Variants in JMJD1C observed in about 807,000 individuals in gnomAD.
JMJD1C encodes the protein jumonji domain containing 1C.
JMJD1C carries 31 observed loss-of-function variants against 245.3 expected under a neutral mutation model. That is an observed-to-expected ratio of 0.13 (90% confidence interval 0.09 to 0.17). The LOEUF is 0.17. JMJD1C is among the 10% of genes least tolerant of loss of function. JMJD1C has a pLI of 1.00. For synonymous variants in JMJD1C, 1,057 were observed against 1,017.4 expected (o/e 1.04, Z -0.74); for missense variants, 2,691 against 3,000.2 (o/e 0.90, Z 2.41).
At chr10:63,227,609 C>T (rs1001146122) in intron 3 of JMJD1C, among the ~76,000 whole-genome samples, 1 of 152,150 alleles carries the variant, frequency 6.6e-6, no homozygotes, top group Non-Finnish European at 1.5e-5. Flanking sequence ...ATGATTTTCC[C>T]CTCTGCTATA....
chr10:63,232,373 T>C (rs1850137927), intron 3 of JMJD1C, among the ~76,000 whole-genome samples: 1 of 152,186 alleles, frequency 6.6e-6, no homozygotes, highest in Admixed American at 6.5e-5. Context: ...TTTTTAAAAC[T>C]GCATCTGGTC....
chr10:63,213,388 C>A, intron 8 of JMJD1C, 85 bp downstream of exon 8: 4 of 838,096 alleles, frequency 4.8e-6, no homozygotes, highest in Non-Finnish European at 7.4e-6. Context: ...AGGAAATGAC[C>A]TAAAAAATAG....
chr10:63,496,255 G>A (rs936598392), intron 1 of JMJD1C, among the ~76,000 whole-genome samples: 8 of 151,772 alleles, frequency 5.3e-5, no homozygotes, highest in East Asian at 1.9e-4. Context: ...GAGAACAGAG[G>A]ACAGAGAAGG....
At chr10:63,416,761 T>C (rs1949832326) in intron 1 of JMJD1C, among the ~76,000 whole-genome samples, 1 of 152,194 alleles carries the variant, frequency 6.6e-6, no homozygotes, top group Non-Finnish European at 1.5e-5. Context: ...AATTCACACA[T>C]TTTAAAAATG....
intron 3 of JMJD1C, among the ~76,000 whole-genome samples, chr10:63,229,062 TAAAG>T (rs1243651862): frequency 3.3e-5 from 5 of 152,290 alleles, no homozygotes; most frequent in Admixed American, 2.6e-4. Context: ...AGAGATATTA[TAAAG>T]ATAGTCTACC....
chr10:63,490,649 C>G (rs1440100842), intron 1 of JMJD1C, among the ~76,000 whole-genome samples: 3 of 151,982 alleles, frequency 2.0e-5, no homozygotes, highest in African/African-American at 7.3e-5. Context: ...CTGTTGACCT[C>G]GTGATCCACC....
intron 2 of JMJD1C, among the ~76,000 whole-genome samples, chr10:63,369,424 T>C (rs1392892976): frequency 2.0e-5 from 3 of 152,174 alleles, no homozygotes; most frequent in Non-Finnish European, 4.4e-5. Context: ...ATTACAGGCG[T>C]TTGCTACCGT....
chr10:63,390,897 G>C (rs1233892294), intron 1 of JMJD1C, among the ~76,000 whole-genome samples: 1 of 152,100 alleles, frequency 6.6e-6, no homozygotes, highest in Non-Finnish European at 1.5e-5. Flanking sequence ...AATATTGAAT[G>C]GGGAAAACTG....
intron 24 of JMJD1C, among the ~76,000 whole-genome samples, chr10:63,174,930 A>G (rs963709847): frequency 3.3e-5 from 5 of 152,200 alleles, no homozygotes; most frequent in African/African-American, 9.6e-5. Context: ...GTTGTTACCT[A>G]ACTATGCATT....
chr10:63,314,194 T>A (rs572837189), intron 2 of JMJD1C, among the ~76,000 whole-genome samples: 1 of 152,232 alleles, frequency 6.6e-6, no homozygotes, highest in Non-Finnish European at 1.5e-5. Context: ...CCCCACTTCA[T>A]GTTTTTGTTT....
intron 3 of JMJD1C, among the ~76,000 whole-genome samples, chr10:63,242,368 G>A (rs188559332): frequency 6.6e-6 from 1 of 152,128 alleles, no homozygotes; most frequent in African/African-American, 2.4e-5. Flanking sequence ...TTTAATTTAC[G>A]TTTAAATAGC....
chr10:63,412,140 C>T (rs1362073210), intron 1 of JMJD1C, among the ~76,000 whole-genome samples: 2 of 151,990 alleles, frequency 1.3e-5, no homozygotes, highest in Non-Finnish European at 2.9e-5. Context: ...TGAGGACAGC[C>T]CGCCCAGTCG....
intron 1 of JMJD1C, among the ~76,000 whole-genome samples, chr10:63,403,034 T>C (rs1350337027): frequency 6.6e-6 from 1 of 152,086 alleles, no homozygotes; most frequent in East Asian, 1.9e-4. Context: ...GAAAGCATGA[T>C]TGAAATAATG....
intron 2 of JMJD1C, among the ~76,000 whole-genome samples, chr10:63,334,484 G>A (rs1201169655): frequency 6.6e-6 from 1 of 152,086 alleles, no homozygotes; most frequent in African/African-American, 2.4e-5. Flanking sequence ...TACTTTGGGA[G>A]GTCTAGGCAG....
At position 63,343,132 on chromosome 10, in the gene JMJD1C, T is replaced by C. The variant is rs143818387; in HGVS notation, c.333+37186A>G. Among the ~76,000 whole-genome samples the C allele has an allele frequency of 2.8e-4, 42 of 152,172 alleles. 1 individual carries two copies. The East Asian group carries it at 6.8e-3, about 25-fold the overall frequency. ...ATCCCAGAACTTTGGGAGGCCAAGA[T>C]AGGCAGACCGCTTGAGCTCAGGAAT... On this transcript the variant is annotated intron_variant, in intron 2 of 25. Coordinates refer to ENST00000399262, the MANE Select transcript of JMJD1C (RefSeq NM_032776.3).
chr10:63,311,084 A>G (rs1326573941), intron 2 of JMJD1C, among the ~76,000 whole-genome samples: 1 of 152,054 alleles, frequency 6.6e-6, no homozygotes, highest in African/African-American at 2.4e-5. Context: ...AAACTCAGTA[A>G]TTCCGGCCGG....
intron 2 of JMJD1C, among the ~76,000 whole-genome samples, chr10:63,370,799 C>G (rs138186330): frequency 3.3e-5 from 5 of 152,056 alleles, no homozygotes; most frequent in Non-Finnish European, 1.5e-5. Flanking sequence ...AAACATAAAA[C>G]AAGTTTACTA....
intron 8 of JMJD1C, among the ~76,000 whole-genome samples, chr10:63,211,861 C>CA (rs1249061853): frequency 9.6e-6 from 1 of 103,816 alleles, no homozygotes; most frequent in Non-Finnish European, 2.1e-5. Flanking sequence ...CACAAAAAAA[C>CA]AAAAAAACCA....
At chr10:63,484,240 A>ATGGATGGATGGATGGATGGATG in intron 1 of JMJD1C, among the ~76,000 whole-genome samples, 1 of 12,056 alleles carries the variant, frequency 8.3e-5, no homozygotes, top group African/African-American at 1.6e-4. Context: ...ATGGATGGAT[A>ATGGATGGATGGATGGATGGATG]GATAGATAGA....
Sources: allele counts gnomAD v4.1 joint callset (sites outside exome capture counted in the v4.1 genomes callset), GRCh38; gene constraint gnomAD v4.1.1; transcripts MANE v1.5; gene names NCBI Gene and HGNC (gene_info 2026-07-23, HGNC 2026-07-21).